ARMC9: variants seen among roughly 807,000 people sequenced by gnomAD.
ARMC9 encodes the protein lisH domain-containing protein ARMC9.
ARMC9 carries 94 observed loss-of-function variants against 107.0 expected under a neutral mutation model. The observed-to-expected ratio is 0.88, with a 90% CI of 0.74 to 1.04. The LOEUF (loss-of-function observed/expected upper bound fraction) is 1.04, where lower values mean the gene tolerates loss of function less well. Ranked by LOEUF, ARMC9 falls within the 50% of genes least tolerant of loss-of-function variation. ARMC9 has a pLI of 0.00. For missense variants in ARMC9, 942 were observed against 1,030.1 expected (o/e 0.91, Z 1.17); for synonymous variants, 380 against 396.9 (o/e 0.96, Z 0.51).
At chr2:231,318,521 C>G (rs2042828582) in intron 19 of ARMC9, among the ~76,000 whole-genome samples, 2 of 152,172 alleles carry the variant, frequency 1.3e-5, no homozygotes, top group South Asian at 4.1e-4. Context: ...TTGCTTCCAG[C>G]TGTCCCCCTT....
chr2:231,217,907 G>A (rs570317644), intron 5 of ARMC9, among the ~76,000 whole-genome samples: 1 of 152,240 alleles, frequency 6.6e-6, no homozygotes, highest in African/African-American at 2.4e-5. Context: ...TGGCCAGGCT[G>A]GTCTTGAACT....
In ARMC9 at chr2:231,239,976, C is replaced by A; in HGVS notation, c.814C>A (p.Arg272Ser). 6.2e-7 allele frequency: 1 copy of A among 1,614,008 alleles called. No individual in the cohort carries two copies. The highest frequency in any genetic ancestry group is 8.5e-7 in the Non-Finnish European group (1 of 1,179,984). Residue 272 changes from arginine (R) to serine (S), a missense_variant, in exon 9 of 25, where the codon CGC (arginine) becomes AGC (serine). Arg to Ser is a moderately radical substitution (Grantham distance 110). Coordinates refer to ENST00000611582, the MANE Select transcript of ARMC9 (RefSeq NM_001352754.2). ...TPEYLQSVCV[R>S]LFSNQMRQSL... Reference sequence around the variant, plus strand: ...TGAGTACCTCCAGAGCGTCTGTGTCCGCCTGTTCAGTAACCAGATGCGGCA... The same window carrying A: ...TGAGTACCTCCAGAGCGTCTGTGTCAGCCTGTTCAGTAACCAGATGCGGCA...
intron 20 of ARMC9, among the ~76,000 whole-genome samples, chr2:231,333,946 GT>G: frequency 6.6e-6 from 1 of 152,240 alleles, no homozygotes; most frequent in South Asian, 2.1e-4. Flanking sequence ...AAAAAGCAAG[GT>G]GCAGAACGTG....
Position 231,289,748 on chromosome 2 carries a change from A to C in ARMC9, c.1627-1605A>C, listed in dbSNP as rs17620074. On this transcript the variant is annotated intron_variant, in intron 17 of 24. Coordinates refer to ENST00000611582, the MANE Select transcript of ARMC9 (RefSeq NM_001352754.2). ...CCTCAACTCATGGACAACTTTCCAG[A>C]GTTCTTCCTCCCTTCCAGATTGTCA... Among the ~76,000 whole-genome samples the C allele has an allele frequency of 1.1e-4, 16 of 152,130 alleles. No individual in the cohort carries two copies. The East Asian group carries it at 2.9e-3, about 28-fold the overall frequency.
At chr2:231,229,258 TG>T (rs2034976735) in intron 7 of ARMC9, among the ~76,000 whole-genome samples, 1 of 152,200 alleles carries the variant, frequency 6.6e-6, no homozygotes, top group African/African-American at 2.4e-5. Flanking sequence ...CAGCTAAGGC[TG>T]TAATAACCAA....
intron 11 of ARMC9, 85 bp downstream of exon 11, chr2:231,259,187 C>A: frequency 1.7e-6 from 2 of 1,161,494 alleles, no homozygotes; most frequent in Non-Finnish European, 2.4e-6. Context: ...TATCTTTTAA[C>A]CCATCTTCCA....
intron 3 of ARMC9, among the ~76,000 whole-genome samples, chr2:231,208,932 C>T (rs939256460): frequency 1.3e-5 from 2 of 151,982 alleles, no homozygotes; most frequent in East Asian, 1.9e-4. Flanking sequence ...TGGAGTCTCT[C>T]GCTCTGTCGC....
At chr2:231,359,082 G>GTTTTTTTTT (rs555726953) in intron 22 of ARMC9, among the ~76,000 whole-genome samples, 8 of 117,864 alleles carry the variant, frequency 6.8e-5, no homozygotes, top group African/African-American at 1.8e-4. Flanking sequence ...GGGGTCTCCT[G>GTTTTTTTTT]TTTTTTTTTT....
intron 20 of ARMC9, among the ~76,000 whole-genome samples, chr2:231,333,033 A>G (rs1020769792): frequency 3.9e-5 from 6 of 152,210 alleles, no homozygotes; most frequent in Non-Finnish European, 7.3e-5. Context: ...AGGTGGAAGC[A>G]GAAAGTGCCT....
chr2:231,290,371 C>A (rs2040902120), intron 17 of ARMC9, among the ~76,000 whole-genome samples: 3 of 152,110 alleles, frequency 2.0e-5, no homozygotes, highest in African/African-American at 7.2e-5. Context: ...CCAAACTGGC[C>A]TACATAAAAA....
intron 1 of ARMC9, among the ~76,000 whole-genome samples, chr2:231,205,289 G>A (rs1234003851): frequency 6.6e-6 from 1 of 151,918 alleles, no homozygotes; most frequent in Non-Finnish European, 1.5e-5. Context: ...AGGATCCCTT[G>A]AACCCAGGAG....
At chr2:231,349,805 G>A (rs2044976607) in intron 21 of ARMC9, among the ~76,000 whole-genome samples, 1 of 151,808 alleles carries the variant, frequency 6.6e-6, no homozygotes, top group East Asian at 1.9e-4. Flanking sequence ...GTAAGACCTA[G>A]TATTTGATAG....
At chr2:231,223,582 A>T (rs58067379) in intron 6 of ARMC9, among the ~76,000 whole-genome samples, 48,170 of 152,092 alleles carry the variant, frequency 0.32, 8,508 homozygotes, top group African/African-American at 0.47. Context: ...GTCACTGTTT[A>T]GTTTAATTTC....
At chr2:231,313,726 C>T (rs947221543) in intron 19 of ARMC9, among the ~76,000 whole-genome samples, 4 of 151,856 alleles carry the variant, frequency 2.6e-5, no homozygotes, top group South Asian at 2.1e-4. Flanking sequence ...GATTTTATAT[C>T]GTATGCATGT....
At chr2:231,270,561 G>A (rs947705177) in intron 12 of ARMC9, 3 of 462,464 alleles carry the variant, frequency 6.5e-6, no homozygotes, top group African/African-American at 4.0e-5. Context: ...TGGCGTTATC[G>A]TTTCTCGTGC....
At chr2:231,288,548 T>G (rs372899799) in intron 17 of ARMC9, 6 of 463,452 alleles carry the variant, frequency 1.3e-5, no homozygotes, top group African/African-American at 6.0e-5. Context: ...GCTAGAGAGT[T>G]CAGTTGTTGA....
chr2:231,369,105 T>G (rs1287221701), intron 23 of ARMC9, among the ~76,000 whole-genome samples: 2 of 152,104 alleles, frequency 1.3e-5, no homozygotes, highest in African/African-American at 4.8e-5. Flanking sequence ...AGCTGTTCCT[T>G]AGACATTTTA....
chr2:231,287,602 C>T (rs997275328), intron 17 of ARMC9, among the ~76,000 whole-genome samples: 2 of 152,056 alleles, frequency 1.3e-5, no homozygotes, highest in Admixed American at 6.5e-5. Context: ...AGGCTGGTCT[C>T]GAACTCCTAG....
chr2:231,290,047 A>G (rs2040879302), intron 17 of ARMC9, among the ~76,000 whole-genome samples: 1 of 152,258 alleles, frequency 6.6e-6, no homozygotes, highest in Non-Finnish European at 1.5e-5. Flanking sequence ...TGAAAAGCAC[A>G]GGCCTTACAT....
Sources: allele counts gnomAD v4.1 joint callset (sites outside exome capture counted in the v4.1 genomes callset), GRCh38; gene constraint gnomAD v4.1.1; transcripts MANE v1.5; gene names NCBI Gene and HGNC (gene_info 2026-07-23, HGNC 2026-07-21).